Variants in PID1 observed in about 807,000 individuals in gnomAD.
The protein encoded by PID1 is PTB-containing, cubilin and LRP1-interacting protein.
A neutral mutation model predicts 19.1 loss-of-function variants in PID1; 10 were observed. The ratio of observed to expected loss-of-function variants is 0.52; its 90% confidence interval spans 0.32 to 0.89. The LOEUF (loss-of-function observed/expected upper bound fraction) is 0.89. Among genes scored for constraint, PID1 ranks in the 40% least tolerant of loss-of-function variants. The pLI, the probability that PID1 is intolerant of heterozygous loss-of-function variation, is 0.03. For missense variants in PID1, 248 were observed against 285.3 expected (o/e 0.87, Z 0.94); for synonymous variants, 130 against 116.0 (o/e 1.12, Z -0.78).
intron 1 of PID1, among the ~76,000 whole-genome samples, chr2:229,267,582 TA>T (rs1255383557): frequency 6.6e-6 from 1 of 152,212 alleles, no homozygotes; most frequent in African/African-American, 2.4e-5. Context: ...CCTTCGTTTC[TA>T]AGTCAGTCTT....
chr2:229,236,882 C>G (rs570154131), intron 1 of PID1, among the ~76,000 whole-genome samples: 14 of 152,080 alleles, frequency 9.2e-5, no homozygotes, highest in African/African-American at 3.4e-4. Context: ...AATGCAGCCA[C>G]ACTCACTTGC....
At chr2:229,085,152 T>C (rs977974225) in intron 2 of PID1, among the ~76,000 whole-genome samples, 8 of 151,912 alleles carry the variant, frequency 5.3e-5, no homozygotes, top group Admixed American at 4.6e-4. Flanking sequence ...TTATTTTAAT[T>C]ATAGAGATAG....
chr2:229,112,948 T>C (rs1477292804), intron 2 of PID1, among the ~76,000 whole-genome samples: 1 of 152,192 alleles, frequency 6.6e-6, no homozygotes, highest in South Asian at 2.1e-4. Context: ...AGCTTCTCTC[T>C]GTATAGGCGA....
chr2:229,221,729 C>T (rs1691973625), intron 1 of PID1, among the ~76,000 whole-genome samples: 1 of 152,208 alleles, frequency 6.6e-6, no homozygotes, highest in Admixed American at 6.5e-5. Flanking sequence ...TTCCAACTGT[C>T]TCTTGGAAGA....
chr2:229,082,990 T>C (rs147637816), intron 2 of PID1, among the ~76,000 whole-genome samples: 105 of 152,146 alleles, frequency 6.9e-4, no homozygotes, highest in African/African-American at 2.3e-3. Context: ...TTGACGGACA[T>C]AAAGGTCTCA....
intron 2 of PID1, among the ~76,000 whole-genome samples, chr2:229,030,349 G>A (rs1693520689): frequency 6.6e-6 from 1 of 152,156 alleles, no homozygotes; most frequent in South Asian, 2.1e-4. Flanking sequence ...GGTGATAGTT[G>A]TGTACATTAT....
At chr2:229,234,391 T>C (rs1692280312) in intron 1 of PID1, among the ~76,000 whole-genome samples, 1 of 152,150 alleles carries the variant, frequency 6.6e-6, no homozygotes, top group African/African-American at 2.4e-5. Context: ...AGTGATGCCA[T>C]GTGAGACAGA....
intron 2 of PID1, among the ~76,000 whole-genome samples, chr2:229,153,122 A>C (rs1006466650): frequency 3.9e-5 from 6 of 152,366 alleles, no homozygotes; most frequent in African/African-American, 1.4e-4. Flanking sequence ...AAGATCTAAA[A>C]GGATTTTAAA....
chr2:229,235,649 C>T (rs1440937635), intron 1 of PID1, among the ~76,000 whole-genome samples: 3 of 152,124 alleles, frequency 2.0e-5, no homozygotes, highest in Non-Finnish European at 4.4e-5. Context: ...CAATCACTGA[C>T]AAGTATTATC....
intron 2 of PID1, among the ~76,000 whole-genome samples, chr2:229,144,967 T>C (rs936014107): frequency 1.3e-5 from 2 of 151,866 alleles, no homozygotes; most frequent in African/African-American, 4.8e-5. Flanking sequence ...TCTATCTTGT[T>C]TAATGCTTTC....
intron 2 of PID1, among the ~76,000 whole-genome samples, chr2:229,094,199 G>A (rs1157013090): frequency 2.6e-5 from 4 of 151,688 alleles, no homozygotes; most frequent in East Asian, 1.9e-4. Context: ...AAAATAGGAC[G>A]CAAAAAAATA....
chr2:229,056,026 A>G (rs933302332), intron 2 of PID1, among the ~76,000 whole-genome samples: 2 of 152,210 alleles, frequency 1.3e-5, no homozygotes, highest in African/African-American at 2.4e-5. Flanking sequence ...TTCATTAACC[A>G]GAAAAGGCAA....
At chr2:229,265,654 GT>G (rs1690577478) in intron 1 of PID1, among the ~76,000 whole-genome samples, 2 of 152,188 alleles carry the variant, frequency 1.3e-5, no homozygotes, top group Non-Finnish European at 2.9e-5. Flanking sequence ...CAGTCATTGA[GT>G]GTTCTGGACT....
At chr2:229,222,787 C>T (rs2106259894) in intron 1 of PID1, among the ~76,000 whole-genome samples, 1 of 152,156 alleles carries the variant, frequency 6.6e-6, no homozygotes, top group South Asian at 2.1e-4. Flanking sequence ...ACACCATCAG[C>T]TCTGCTGGGT....
At chr2:229,156,450 A>G (rs2396615) in intron 1 of PID1, among the ~76,000 whole-genome samples, 48,936 of 152,010 alleles carry the variant, frequency 0.32, 8,613 homozygotes, top group East Asian at 0.69. Flanking sequence ...GAAATTCACT[A>G]CTTTAGGACA....
intron 1 of PID1, among the ~76,000 whole-genome samples, chr2:229,174,565 C>A (rs983453938): frequency 2.0e-5 from 3 of 151,952 alleles, no homozygotes; most frequent in Non-Finnish European, 4.4e-5. Context: ...TATCACCCCC[C>A]AATGGGCCTT....
chr2:229,271,037 G>A lies in PID1; in HGVS notation c.7C>T (p.Gln3Ter). Residue 3 changes from glutamine (Q) to a stop codon, truncating the protein, a stop_gained, in exon 1 of 3, where the codon CAG (glutamine) becomes TAG (stop). Coordinates refer to ENST00000392055, the MANE Select transcript of PID1 (RefSeq NM_001100818.2). LOFTEE classifies it high-confidence loss of function. ...ACCTGCAGGCGCTCCGTGGCCGGCT[G>A]CCACATCTTCCAGCCCTGGGTTTTG... MW[Q>*]PATERLQHFQ... is the part of the protein sequence containing the mutation. The A allele has an allele frequency of 6.5e-7, 1 of 1,543,426 alleles. No homozygotes were observed. Among genetic ancestry groups the A allele is most frequent in the African/African-American group, 1.4e-5 (1 of 72,662 alleles).
At chr2:229,061,509 C>T (rs890995814) in intron 2 of PID1, among the ~76,000 whole-genome samples, 1 of 151,940 alleles carries the variant, frequency 6.6e-6, no homozygotes, top group African/African-American at 2.4e-5. Flanking sequence ...ATTACTACAA[C>T]TTTGTAATAG....
At chr2:229,147,010 A>T (rs951700568) in intron 2 of PID1, among the ~76,000 whole-genome samples, 3 of 152,182 alleles carry the variant, frequency 2.0e-5, no homozygotes, top group African/African-American at 7.2e-5. Context: ...ATGAGAGAGT[A>T]AATTTCTGTT....
Sources: allele counts gnomAD v4.1 joint callset (sites outside exome capture counted in the v4.1 genomes callset), GRCh38; gene constraint gnomAD v4.1.1; transcripts MANE v1.5; gene names NCBI Gene and HGNC (gene_info 2026-07-23, HGNC 2026-07-21).